The following DYRK4 variants were observed in gnomAD, a reference collection of about 807,000 sequenced individuals.
DYRK4 encodes dual specificity tyrosine phosphorylation regulated kinase 4.
DYRK4 carries 64 observed loss-of-function variants against 68.3 expected under a neutral mutation model. That is an observed-to-expected ratio of 0.94 (90% CI 0.77 to 1.15). The LOEUF (loss-of-function observed/expected upper bound fraction) is 1.15. Ranked by LOEUF, DYRK4 falls within the 50% of genes most tolerant of loss-of-function variation. The pLI is 0.00. For missense variants in DYRK4, 740 were observed against 764.7 expected (o/e 0.97, Z 0.38); for synonymous variants, 274 against 289.9 (o/e 0.95, Z 0.56).
At chr12:4,597,467 C>T (rs140940913) in intron 8 of DYRK4, among the ~76,000 whole-genome samples, 139 of 152,376 alleles carry the variant, frequency 9.1e-4, no homozygotes, top group African/African-American at 3.3e-3. Context: ...TAAGGTGACA[C>T]TCTCCTCACC....
intron 1 of DYRK4, 135 bp from the exon 2 acceptor site, chr12:4,567,820 G>C: frequency 1.4e-6 from 1 of 698,864 alleles, no homozygotes; most frequent in Non-Finnish European, 2.4e-6. Context: ...GGAGAAGCAG[G>C]GACCCTGCTC....
Position 4,607,330 on chromosome 12 carries a change from C to T in DYRK4, c.1303C>T (p.Leu435=), listed in dbSNP as rs769960503. The T allele has an allele frequency of 6.2e-7, 1 of 1,614,204 alleles. No homozygotes were observed. The highest frequency in any genetic ancestry group is 1.3e-5 in the African/African-American group (1 of 75,048). Residue 435 remains leucine (L), a synonymous_variant, in exon 12 of 15, where the codon CTG becomes TTG. Transcript: ENST00000543431. The part of the protein sequence containing the change: ...VEQLACIMEV[L]GLPPAGFIQT... ...CAATTGAATTATCCTTATTAAGGTG[C>T]TGGGTCTGCCGCCAGCCGGCTTCAT...
At chr12:4,605,707 T>C (rs1179471445) in intron 11 of DYRK4, among the ~76,000 whole-genome samples, 3 of 147,752 alleles carry the variant, frequency 2.0e-5, no homozygotes. Flanking sequence ...CATACAGCTC[T>C]TAGAAAAATG....
intron 3 of DYRK4, among the ~76,000 whole-genome samples, chr12:4,589,423 T>A (rs561398908): frequency 1.3e-5 from 2 of 152,284 alleles, no homozygotes; most frequent in Admixed American, 1.3e-4. Context: ...AAACATGAGG[T>A]CTTATTCAGT....
At chr12:4,612,897 A>G (rs1212465364) in intron 14 of DYRK4, 179 bp downstream of exon 14, 5 of 620,660 alleles carry the variant, frequency 8.1e-6, no homozygotes. Context: ...TTTGCATGTC[A>G]ATTTCTCTAA....
At chr12:4,609,368 C>T (rs532258489) in intron 12 of DYRK4, among the ~76,000 whole-genome samples, 51 of 152,286 alleles carry the variant, frequency 3.3e-4, no homozygotes, top group Admixed American at 2.3e-3. Context: ...ACCCAGGATT[C>T]GACGTTTTTA....
chr12:4,573,326 C>T (rs1944751721), intron 2 of DYRK4: 1 of 1,287,588 alleles, frequency 7.8e-7, no homozygotes, highest in Admixed American at 2.3e-5. Flanking sequence ...CCATTCTTTC[C>T]TAGGGCCCCA....
At position 4,603,572 on chromosome 12, in the gene DYRK4, C is replaced by A. The variant is rs115295858; in HGVS notation, c.1127-1342C>A. 7.7e-3 allele frequency among the ~76,000 whole-genome samples: 1,168 copies of A among 152,270 alleles called. 10 individuals carry two copies. The highest frequency in any genetic ancestry group is 0.026 in the African/African-American group (1,091 of 41,540). On this transcript the variant is annotated intron_variant, in intron 10 of 14. Coordinates refer to ENST00000543431, the MANE Select transcript of DYRK4 (RefSeq NM_001394779.1). ...CCTCCGCTTTCTAAGCTCTTCACATCGAGGCAAGGGAGACCCTGGCACCTG... is the reference window on the plus strand; with the variant it reads ...CCTCCGCTTTCTAAGCTCTTCACATAGAGGCAAGGGAGACCCTGGCACCTG...
chr12:4,565,336 A>AT (rs908929287), intron 1 of DYRK4, among the ~76,000 whole-genome samples: 13 of 151,688 alleles, frequency 8.6e-5, no homozygotes, highest in South Asian at 2.1e-4. Context: ...GTCACAAGAG[A>AT]TTTTTTTTTC....
intron 2 of DYRK4, among the ~76,000 whole-genome samples, chr12:4,573,602 A>G (rs1306336936): frequency 1.3e-5 from 2 of 152,054 alleles, no homozygotes; most frequent in African/African-American, 4.8e-5. Context: ...GGATAAGGAG[A>G]TATTCGGAAT....
At position 4,591,274 on chromosome 12, in the gene DYRK4, C is replaced by A; in HGVS notation, c.439C>A (p.Gln147Lys). ...PKAEEKSPKK[Q>K]KVTLTAAEAL... The stretch of plus-strand genomic sequence containing the variant: ...GGCAGAGGAGAAGTCACCAAAGAAG[C>A]AAAAGGTGACTCTGACAGCGGCAGG... The change falls in exon 5 of 15, where the codon CAA (glutamine) becomes AAA (lysine). Residue 147 changes from glutamine (Q) to lysine (K), a missense_variant. By Grantham distance (53) the Gln-to-Lys change is moderately conservative. This residue lies in a region of DYRK4 where 614 missense variants were observed against 603.7 expected (regional missense o/e 1.02). Transcript: ENST00000543431. This position sits in a 1 kb window ranked among gnomAD's most constrained non-coding sequence, Gnocchi z 4.1. 6.2e-7 allele frequency: 1 copy of A among 1,614,064 alleles called. No homozygotes were observed.
At chr12:4,574,949 A>G (rs1031353102) in intron 2 of DYRK4, among the ~76,000 whole-genome samples, 2 of 152,140 alleles carry the variant, frequency 1.3e-5, no homozygotes, top group Non-Finnish European at 2.9e-5. Context: ...CAAACTCCTG[A>G]CCTCGAGTGA....
At chr12:4,584,740 A>G (rs941860876) in intron 2 of DYRK4, among the ~76,000 whole-genome samples, 1 of 151,800 alleles carries the variant, frequency 6.6e-6, no homozygotes, top group African/African-American at 2.4e-5. Context: ...TGTTTTTAGT[A>G]GAGACGGGGT....
intron 2 of DYRK4, among the ~76,000 whole-genome samples, chr12:4,582,391 C>T (rs969310405): frequency 6.6e-6 from 1 of 152,160 alleles, no homozygotes; most frequent in Non-Finnish European, 1.5e-5. Context: ...TTGCGGTGAG[C>T]CGAGATGGCG....
At chr12:4,590,274 TG>T in intron 3 of DYRK4, 55 bp from the exon 4 acceptor site, 1 of 1,497,892 alleles carries the variant, frequency 6.7e-7, no homozygotes, top group Non-Finnish European at 8.9e-7. Context: ...AAATGACCCC[TG>T]GAGACGTTTT....
In DYRK4 at chr12:4,612,622, C is replaced by A; in HGVS notation, c.1570C>A (p.Gln524Lys). The A allele has an allele frequency of 6.2e-7, 1 of 1,614,220 alleles. No homozygotes were observed. Among genetic ancestry groups the A allele is most frequent in the Non-Finnish European group, 8.5e-7 (1 of 1,180,038 alleles). The change falls in exon 14 of 15, where the codon CAG becomes AAG. Residue 524 changes from glutamine (Q) to lysine (K), a missense_variant. Physicochemically the swap from Gln to Lys is moderately conservative, Grantham distance 53 (BLOSUM62 1). Coordinates refer to ENST00000543431, the MANE Select transcript of DYRK4 (RefSeq NM_001394779.1). ...WIHQSRNLKP[Q>K]PRPQTLRKSN... ...TCATCAGTCTCGGAACCTCAAGCCA[C>A]AGCCCAGGCCCCAGACCCTGAGGAA...
intron 1 of DYRK4, among the ~76,000 whole-genome samples, chr12:4,564,970 G>T (rs981114907): frequency 3.9e-5 from 6 of 152,136 alleles, no homozygotes; most frequent in Admixed American, 3.9e-4. Flanking sequence ...ACGATTGAAC[G>T]CTCGAGGAAA....
At chr12:4,571,244 A>G (rs549338944) in intron 2 of DYRK4, among the ~76,000 whole-genome samples, 1 of 152,372 alleles carries the variant, frequency 6.6e-6, no homozygotes, top group East Asian at 1.9e-4. Flanking sequence ...TACAAAGCAC[A>G]TCCAGAATCA....
At chr12:4,610,909 CG>C (rs1264588852) in intron 13 of DYRK4, among the ~76,000 whole-genome samples, 5 of 152,120 alleles carry the variant, frequency 3.3e-5, no homozygotes, top group African/African-American at 1.2e-4. Context: ...GTTTAGAAAA[CG>C]TTAGCTATTC....
Sources: gnomAD v4.1 joint callset for allele counts (sites outside exome capture counted in the v4.1 genomes callset) on GRCh38, gnomAD v4.1.1 for gene constraint, gnomAD v4.1.1 regional missense constraint, Gnocchi (gnomAD v3.1) non-coding constraint, MANE v1.5 for transcripts, NCBI Gene and HGNC (gene_info 2026-07-23, HGNC 2026-07-21) for gene names.